GMDS: variants seen among roughly 807,000 people sequenced by gnomAD.
The protein encoded by GMDS is GDP-mannose 4,6-dehydratase.
A neutral mutation model predicts 49.9 loss-of-function variants in GMDS; 20 were observed. The ratio of observed to expected loss-of-function variants is 0.40; its 90% CI spans 0.28 to 0.58. GMDS has a LOEUF of 0.58. Among genes scored for constraint, GMDS ranks in the 20% least tolerant of loss-of-function variants. GMDS has a pLI of 0.42. For synonymous variants in GMDS, 177 were observed against 178.6 expected (o/e 0.99, Z 0.07); for missense variants, 362 against 481.4 (o/e 0.75, Z 2.32).
chr6:2,108,857 G>A (rs1202256757), intron 4 of GMDS, among the ~76,000 whole-genome samples: 1 of 152,162 alleles, frequency 6.6e-6, no homozygotes, highest in Non-Finnish European at 1.5e-5. Flanking sequence ...GGGCACCTGT[G>A]AAATAAGTGC....
At chr6:1,711,039 T>G (rs1231447869) in intron 9 of GMDS, among the ~76,000 whole-genome samples, 1 of 152,204 alleles carries the variant, frequency 6.6e-6, no homozygotes, top group Non-Finnish European at 1.5e-5. Flanking sequence ...TTCAGCTTTG[T>G]TTTCTCCGCA....
chr6:2,194,018 G>A (rs546123588), intron 1 of GMDS, among the ~76,000 whole-genome samples: 1 of 144,298 alleles, frequency 6.9e-6, no homozygotes, highest in South Asian at 2.1e-4. Flanking sequence ...ACCGCGTCCA[G>A]CCAAAAATGC....
At chr6:2,142,638 AG>A (rs1307700525) in intron 1 of GMDS, among the ~76,000 whole-genome samples, 1 of 152,112 alleles carries the variant, frequency 6.6e-6, no homozygotes, top group Non-Finnish European at 1.5e-5. Flanking sequence ...CAGCCTCCAG[AG>A]CTATGAGACA....
intron 1 of GMDS, among the ~76,000 whole-genome samples, chr6:2,155,530 C>T (rs1319776287): frequency 6.6e-6 from 1 of 152,134 alleles, no homozygotes; most frequent in Admixed American, 6.5e-5. Flanking sequence ...TTCCTTACCA[C>T]CAATATATGA....
intron 1 of GMDS, among the ~76,000 whole-genome samples, chr6:2,128,961 C>T (rs919076490): frequency 6.6e-6 from 1 of 152,188 alleles, no homozygotes; most frequent in African/African-American, 2.4e-5. Flanking sequence ...GTAGGTCCAG[C>T]TTTGGGGCCA....
intron 10 of GMDS, 31 bp from the exon 11 acceptor site, chr6:1,624,262 G>A (rs746483595): frequency 3.1e-6 from 5 of 1,600,622 alleles, no homozygotes; most frequent in Admixed American, 3.3e-5. Flanking sequence ...TGAGGGAGGA[G>A]CTTCTGCCAC....
At chr6:2,074,199 T>G (rs1416302576) in intron 4 of GMDS, among the ~76,000 whole-genome samples, 1 of 152,228 alleles carries the variant, frequency 6.6e-6, no homozygotes, top group Non-Finnish European at 1.5e-5. Context: ...GCCTTTTTAA[T>G]GATAACCATT....
At chr6:2,129,897 C>T (rs1239696861) in intron 1 of GMDS, among the ~76,000 whole-genome samples, 1 of 152,194 alleles carries the variant, frequency 6.6e-6, no homozygotes, top group Non-Finnish European at 1.5e-5. Flanking sequence ...CTCTGTCAGA[C>T]TCACAAAATT....
intron 7 of GMDS, among the ~76,000 whole-genome samples, chr6:1,812,710 T>C (rs537732255): frequency 6.6e-6 from 1 of 152,292 alleles, no homozygotes; most frequent in East Asian, 1.9e-4. Flanking sequence ...CTGCAGTTAT[T>C]ATGCAACCAG....
intron 7 of GMDS, among the ~76,000 whole-genome samples, chr6:1,832,027 G>A (rs993480701): frequency 5.3e-4 from 81 of 151,950 alleles, no homozygotes; most frequent in African/African-American, 1.8e-3. Context: ...ACCATCTTAC[G>A]TGGTTTGATT....
At chr6:1,939,657 A>G (rs1489734217) in intron 6 of GMDS, among the ~76,000 whole-genome samples, 1 of 151,968 alleles carries the variant, frequency 6.6e-6, no homozygotes, top group Non-Finnish European at 1.5e-5. Context: ...TATAAAGCAT[A>G]CCAACATAAC....
chr6:1,932,932 T>G (rs1762364864), intron 6 of GMDS, among the ~76,000 whole-genome samples: 1 of 152,234 alleles, frequency 6.6e-6, no homozygotes, highest in African/African-American at 2.4e-5. Context: ...CTTCAATGGC[T>G]TTTCTTATAT....
chr6:2,245,107 A>G (rs116754768), intron 1 of GMDS, among the ~76,000 whole-genome samples: 2,817 of 152,316 alleles, frequency 0.018, 89 homozygotes, highest in African/African-American at 0.063. Flanking sequence ...CACAGCCCCC[A>G]GAGAAAGACC....
intron 9 of GMDS, among the ~76,000 whole-genome samples, chr6:1,722,247 TAGTAGTAG>T (rs1561756877): frequency 7.7e-4 from 69 of 89,998 alleles, no homozygotes; most frequent in African/African-American, 3.8e-3. Context: ...TTATTATTAG[TAGTAGTAG>T]TAGTAGTATT....
At chr6:1,815,304 T>C (rs1255608853) in intron 7 of GMDS, among the ~76,000 whole-genome samples, 1 of 152,236 alleles carries the variant, frequency 6.6e-6, no homozygotes, top group Non-Finnish European at 1.5e-5. Context: ...CAAGTTATTA[T>C]ATGCAAATGT....
intron 9 of GMDS, among the ~76,000 whole-genome samples, chr6:1,650,649 C>T (rs1328998309): frequency 2.0e-5 from 3 of 152,182 alleles, no homozygotes; most frequent in African/African-American, 7.2e-5. Flanking sequence ...GATCTCAGCT[C>T]ACTGCAACCT....
At chr6:1,814,806 C>G (rs763721794) in intron 7 of GMDS, among the ~76,000 whole-genome samples, 17 of 152,088 alleles carry the variant, frequency 1.1e-4, no homozygotes, top group Non-Finnish European at 2.4e-4. Flanking sequence ...CTCTAAACCT[C>G]TTTATATAAA....
At chr6:1,878,275 A>C (rs915402080) in intron 7 of GMDS, among the ~76,000 whole-genome samples, 1 of 136,312 alleles carries the variant, frequency 7.3e-6, no homozygotes, top group South Asian at 2.3e-4. Context: ...AGATTGCACC[A>C]CTGCACTCCA....
At chr6:2,220,475 C>T (rs949191884) in intron 1 of GMDS, among the ~76,000 whole-genome samples, 1 of 152,118 alleles carries the variant, frequency 6.6e-6, no homozygotes, top group African/African-American at 2.4e-5. Flanking sequence ...AGATGTGAGA[C>T]AATAATTGCT....
Sources: allele counts gnomAD v4.1 joint callset (sites outside exome capture counted in the v4.1 genomes callset), GRCh38; gene constraint gnomAD v4.1.1; transcripts MANE v1.5; gene names NCBI Gene and HGNC (gene_info 2026-07-23, HGNC 2026-07-21).